ACYP2: variants seen among roughly 807,000 people sequenced by gnomAD.
The protein encoded by ACYP2 is acylphosphatase-2.
Under a neutral mutation model 11.2 loss-of-function variants are expected in ACYP2, and 12 were observed. That is an observed-to-expected ratio of 1.08 (90% confidence interval 0.69 to 1.74). ACYP2 has a LOEUF of 1.74. Ranked by LOEUF, ACYP2 falls within the 40% of genes most tolerant of loss-of-function variation. The pLI is 0.00. For missense variants in ACYP2, 134 were observed against 101.9 expected (o/e 1.31, Z -1.35); for synonymous variants, 43 against 32.2 (o/e 1.33, Z -1.13).
intron 6 of ACYP2, among the ~76,000 whole-genome samples, chr2:54,176,748 C>A (rs1396120613): frequency 1.3e-5 from 2 of 152,140 alleles, no homozygotes; most frequent in Non-Finnish European, 2.9e-5. Context: ...ATGGTTCTAT[C>A]CAGGAATTGA....
intron 2 of ACYP2, among the ~76,000 whole-genome samples, chr2:54,004,404 C>CTTT (rs1168703943): frequency 2.5e-3 from 234 of 92,064 alleles, no homozygotes; most frequent in African/African-American, 4.1e-3. Context: ...GTAGTTTAGC[C>CTTT]TTTTTTTTTT....
At chr2:53,973,838 G>T (rs1167172804) in intron 2 of ACYP2, 3 of 235,822 alleles carry the variant, frequency 1.3e-5, no homozygotes, top group East Asian at 7.8e-5. Flanking sequence ...AGGGATTTTT[G>T]AATGTGGGAT....
intron 6 of ACYP2, among the ~76,000 whole-genome samples, chr2:54,161,162 C>T (rs771177822): frequency 1.5e-4 from 23 of 152,146 alleles, no homozygotes; most frequent in Non-Finnish European, 2.1e-4. Flanking sequence ...TAAACTAGAG[C>T]AATGGATGCT....
At chr2:54,149,219 T>C (rs140737162) in intron 6 of ACYP2, among the ~76,000 whole-genome samples, 130 of 152,282 alleles carry the variant, frequency 8.5e-4, no homozygotes, top group African/African-American at 2.8e-3. Flanking sequence ...AAAAACCACA[T>C]TTGTTTCTTC....
chr2:54,093,638 G>C (rs13418839), intron 4 of ACYP2, among the ~76,000 whole-genome samples: 29,829 of 152,104 alleles, frequency 0.2, 3,939 homozygotes, highest in African/African-American at 0.38. Context: ...GAATAACAAT[G>C]ATATTAAATA....
At chr2:54,170,668 G>T (rs59418529) in intron 6 of ACYP2, among the ~76,000 whole-genome samples, 2,098 of 151,830 alleles carry the variant, frequency 0.014, 60 homozygotes, top group African/African-American at 0.048. Context: ...GGCAGGGATT[G>T]TAATATGACT....
intron 2 of ACYP2, among the ~76,000 whole-genome samples, chr2:54,043,047 C>G (rs1675322128): frequency 6.6e-6 from 1 of 151,732 alleles, no homozygotes; most frequent in African/African-American, 2.4e-5. Context: ...GGCCAGGGAC[C>G]TTGGTTAATA....
intron 2 of ACYP2, among the ~76,000 whole-genome samples, chr2:53,991,402 T>A (rs1258443539): frequency 6.7e-6 from 1 of 150,144 alleles, no homozygotes; most frequent in Non-Finnish European, 1.5e-5. Context: ...TATGTGTAAC[T>A]TTTTTTTCTT....
intron 4 of ACYP2, chr2:54,065,353 G>A (rs528565343): frequency 3.8e-5 from 15 of 395,068 alleles, no homozygotes; most frequent in South Asian, 1.4e-4. Flanking sequence ...GATTGCTATC[G>A]ATAATTTAAT....
At chr2:53,998,626 G>T (rs1210568516) in intron 2 of ACYP2, among the ~76,000 whole-genome samples, 1 of 151,976 alleles carries the variant, frequency 6.6e-6, no homozygotes, top group Non-Finnish European at 1.5e-5. Context: ...ACCAGCCTGG[G>T]CAACATAGGA....
At chr2:54,255,577 C>T in intron 6 of ACYP2, 1 of 1,613,278 alleles carries the variant, frequency 6.2e-7, no homozygotes, top group Non-Finnish European at 8.5e-7. Flanking sequence ...GGGCCCGGGC[C>T]CGGGCCCAGG....
chr2:54,079,287 G>C (rs757594862), intron 4 of ACYP2, among the ~76,000 whole-genome samples: 29 of 152,154 alleles, frequency 1.9e-4, no homozygotes, highest in Non-Finnish European at 3.5e-4. Context: ...AGGAGACTTG[G>C]GGAGAGGGTT....
intron 3 of ACYP2, among the ~76,000 whole-genome samples, chr2:54,052,470 A>G (rs1160951002): frequency 6.6e-6 from 1 of 152,138 alleles, no homozygotes; most frequent in Non-Finnish European, 1.5e-5. Context: ...CAAATTATAT[A>G]TAAGTTATAT....
intron 2 of ACYP2, among the ~76,000 whole-genome samples, chr2:54,036,262 T>C (rs2104558669): frequency 2.0e-5 from 3 of 152,226 alleles, no homozygotes; most frequent in Admixed American, 2.0e-4. Flanking sequence ...ACCTGGCTAA[T>C]TTTTGTATTT....
intron 6 of ACYP2, among the ~76,000 whole-genome samples, chr2:54,201,636 C>CTCTCTCTTTCTTTCTTTCTT (rs769862240): frequency 2.1e-5 from 2 of 93,662 alleles, no homozygotes; most frequent in African/African-American, 4.3e-5. Flanking sequence ...TTCTTTCTTT[C>CTCTCTCTTTCTTTCTTTCTT]TCTTTCTTTC....
At chr2:54,184,366 A>C (rs1195641328) in intron 6 of ACYP2, among the ~76,000 whole-genome samples, 3 of 152,142 alleles carry the variant, frequency 2.0e-5, no homozygotes, top group Non-Finnish European at 2.9e-5. Context: ...TTAGTAAGTT[A>C]ATTTTTTTAT....
chr2:54,267,366 G>C, intron 6 of ACYP2: 4 of 1,545,216 alleles, frequency 2.6e-6, no homozygotes, highest in East Asian at 2.4e-5. Context: ...GAGAATTCAG[G>C]TGAGAGGTTT....
intron 6 of ACYP2, among the ~76,000 whole-genome samples, chr2:54,293,778 T>A (rs1689410636): frequency 6.6e-6 from 1 of 152,234 alleles, no homozygotes; most frequent in South Asian, 2.1e-4. Flanking sequence ...TTATGGATGC[T>A]CTAGGATTTC....
chr2:54,096,961 C>A (rs889589988), intron 4 of ACYP2, among the ~76,000 whole-genome samples: 2 of 152,210 alleles, frequency 1.3e-5, no homozygotes, highest in African/African-American at 4.8e-5. Context: ...CCTCTTGCCT[C>A]AGCCTCTCAA....
Sources: allele counts gnomAD v4.1 joint callset (sites outside exome capture counted in the v4.1 genomes callset), GRCh38; gene constraint gnomAD v4.1.1; transcripts MANE v1.5; gene names NCBI Gene and HGNC (gene_info 2026-07-23, HGNC 2026-07-21).